The following STK24 variants were observed in gnomAD, a reference collection of about 807,000 sequenced individuals.
The protein encoded by STK24 is serine/threonine-protein kinase 24.
Under a neutral mutation model 55.6 loss-of-function variants are expected in STK24, and 21 were observed. The ratio of observed to expected loss-of-function variants is 0.38; its 90% CI spans 0.27 to 0.54. The LOEUF is 0.54. STK24 is among the 20% of genes least tolerant of loss of function. The pLI, the probability that STK24 is intolerant of heterozygous loss-of-function variation, is 0.79. For missense variants in STK24, 383 were observed against 538.4 expected, an observed-to-expected ratio of 0.71 and a Z score of 2.86; for synonymous variants, 200 against 215.2, an observed-to-expected ratio of 0.93 and a Z score of 0.62.
Position 98,554,184 on chromosome 13 carries a change from T to G in STK24, c.42+22561A>C, listed in dbSNP as rs531907450. 1.1e-4 allele frequency among the ~76,000 whole-genome samples: 17 copies of G among 151,996 alleles called. No homozygotes were observed. In the South Asian group the frequency reaches 3.3e-3, roughly 30 times the overall value. ...GCATTTAAGCCCCCCATATGCAACT[T>G]ACTCCCTTTAAAGAAAAAAACTGAA... On this transcript the variant is annotated intron_variant, in intron 1 of 10. Transcript: ENST00000539966.
rs1265239718 is a variant in STK24, at chr13:98,450,646, CT to C, written c.*2526del. Reference sequence around the variant, plus strand: ...TCCCCAGGCTGCAGGCTCTGGGCAGCTGAGCCAGGAGCAGCTCAGGGCTGGC... The same window carrying C: ...TCCCCAGGCTGCAGGCTCTGGGCAGCGAGCCAGGAGCAGCTCAGGGCTGGC... On this transcript the variant is annotated 3_prime_UTR_variant, in exon 11 of 11. Transcript: ENST00000539966. 2.0e-5 allele frequency: 3 copies of C among 152,242 alleles called. No individual in the cohort carries two copies. Among genetic ancestry groups the C allele is most frequent in the Non-Finnish European group, 2.9e-5 (2 of 68,068 alleles). 9.4% of individuals were successfully genotyped at this position (152,242 alleles called of 1,614,324 possible).
intron 8 of STK24, among the ~76,000 whole-genome samples, 171 bp downstream of exon 8, chr13:98,461,603 G>C (rs1298247135): frequency 6.6e-6 from 1 of 152,132 alleles, no homozygotes; most frequent in Non-Finnish European, 1.5e-5. Flanking sequence ...GTGAACACCT[G>C]GATCATCAGA....
In STK24 at chr13:98,575,385, C is replaced by CATAT. The variant is rs559657825; in HGVS notation, c.42+1356_42+1359dup. ...TTTACTGCTTAAACATATATACACA[C>CATAT]ATATATATACTGCTTATATATACAC... is the stretch of plus-strand genomic sequence containing the variant. On this transcript the variant is annotated intron_variant, in intron 1 of 10. Transcript: ENST00000539966. Among the ~76,000 whole-genome samples, 14 of 148,806 alleles carry CATAT rather than the reference C, an allele frequency of 9.4e-5. No homozygotes were observed. In the Admixed American group the frequency reaches 9.6e-4, roughly 10 times the overall value.
chr13:98,471,139 C>T (rs890873056), intron 5 of STK24, among the ~76,000 whole-genome samples: 2 of 152,194 alleles, frequency 1.3e-5, no homozygotes, highest in African/African-American at 4.8e-5. Flanking sequence ...ATTCCTGAGC[C>T]GTAGGCAGGA....
At chr13:98,525,911 C>T (rs1246614414) in intron 1 of STK24, among the ~76,000 whole-genome samples, 3 of 152,232 alleles carry the variant, frequency 2.0e-5, no homozygotes, top group African/African-American at 7.2e-5. Context: ...CACAACTTTC[C>T]AATTCCCTAA....
Position 98,450,585 on chromosome 13 carries a change from C to G in STK24, c.*2588G>C, listed in dbSNP as rs950445122. ...AAAAACGCAGGAGCTACCAGCCACC[C>G]AGTCCACGGCCCTCGTCTCCCAGAG... On this transcript the variant is annotated 3_prime_UTR_variant, in exon 11 of 11. Coordinates refer to ENST00000539966, the MANE Select transcript of STK24 (RefSeq NM_001032296.4). 1 of 152,468 alleles carries G rather than the reference C, an allele frequency of 6.6e-6. No individual in the cohort carries two copies. Among genetic ancestry groups the G allele is most frequent in the East Asian group, 1.9e-4 (1 of 5,204 alleles). The allele number at this position is 152,468 out of a possible 1,614,324, so 9.4% of individuals were successfully genotyped here.
chr13:98,554,231 A>G (rs539371496), intron 1 of STK24, among the ~76,000 whole-genome samples: 19 of 152,312 alleles, frequency 1.2e-4, no homozygotes, highest in Admixed American at 8.5e-4. Flanking sequence ...TGAAAAAATA[A>G]CAACAAACGT....
intron 2 of STK24, among the ~76,000 whole-genome samples, chr13:98,496,088 C>G (rs563607114): frequency 1.9e-4 from 29 of 152,350 alleles, no homozygotes; most frequent in Non-Finnish European, 3.1e-4. Flanking sequence ...CTGCCCTACA[C>G]TCATGCGGGA....
chr13:98,453,327 G>A, intron 10 of STK24, 118 bp from the exon 11 acceptor site: 1 of 1,032,518 alleles, frequency 9.7e-7, no homozygotes, highest in East Asian at 2.4e-5. Context: ...ACAAAAATAA[G>A]TGGAGCAAAT....
At chr13:98,527,142 C>A (rs1896453214) in intron 1 of STK24, among the ~76,000 whole-genome samples, 3 of 152,234 alleles carry the variant, frequency 2.0e-5, no homozygotes, top group African/African-American at 7.2e-5. Context: ...AATGGCCAGC[C>A]ACTGAGAATA....
chr13:98,545,653 G>C (rs1208753402), intron 1 of STK24, among the ~76,000 whole-genome samples: 1 of 143,298 alleles, frequency 7.0e-6, no homozygotes, highest in East Asian at 2.0e-4. Flanking sequence ...AAAAAAAAAA[G>C]TGCCAGACTT....
intron 1 of STK24, chr13:98,542,800 T>C: frequency 4.1e-6 from 4 of 981,658 alleles, no homozygotes; most frequent in Non-Finnish European, 4.8e-6. Flanking sequence ...GTTTGTCTTT[T>C]ACTCTACTTT....
chr13:98,576,158 G>A, intron 1 of STK24: 2 of 985,298 alleles, frequency 2.0e-6, no homozygotes, highest in Non-Finnish European at 2.4e-6. Flanking sequence ...GTCCGCAGGT[G>A]CACGGGGGCT....
intron 1 of STK24, among the ~76,000 whole-genome samples, chr13:98,536,132 C>T (rs75268516): frequency 8.7e-4 from 132 of 152,086 alleles, no homozygotes; most frequent in African/African-American, 2.8e-3. Context: ...TAGGAACACA[C>T]GTATCCTGCC....
At chr13:98,495,436 G>A (rs989622754) in intron 2 of STK24, among the ~76,000 whole-genome samples, 1 of 152,178 alleles carries the variant, frequency 6.6e-6, no homozygotes, top group Non-Finnish European at 1.5e-5. Flanking sequence ...GTTTAAATTT[G>A]CAGAATGTGC....
chr13:98,508,550 T>TG (rs1390025204), intron 2 of STK24, among the ~76,000 whole-genome samples: 2 of 152,308 alleles, frequency 1.3e-5, no homozygotes, highest in Non-Finnish European at 2.9e-5. Flanking sequence ...GAATTTCTGT[T>TG]GGGACAGAAG....
intron 2 of STK24, among the ~76,000 whole-genome samples, chr13:98,482,713 G>C (rs1172168387): frequency 1.3e-5 from 2 of 152,204 alleles, no homozygotes; most frequent in African/African-American, 4.8e-5. Flanking sequence ...CACACATCGG[G>C]AGAGCAGTGC....
intron 5 of STK24, among the ~76,000 whole-genome samples, chr13:98,468,064 G>A (rs1310948710): frequency 1.3e-5 from 2 of 152,172 alleles, no homozygotes; most frequent in South Asian, 2.1e-4. Flanking sequence ...ATGCATAGGC[G>A]GAAGCATCGT....
Position 98,461,897 on chromosome 13 carries a change from C to T in STK24, c.930G>A (p.Ala310=). The T allele has an allele frequency of 1.2e-6, 2 of 1,613,810 alleles. No homozygotes were observed. The highest frequency in any genetic ancestry group is 1.7e-4 in the Middle Eastern group (1 of 6,048). The change falls in exon 8 of 11, where the codon GCG becomes GCA. Residue 310 remains alanine (A), a splice_region_variant and synonymous_variant. Coordinates refer to ENST00000539966, the MANE Select transcript of STK24 (RefSeq NM_001032296.4). ...HDDSSSEDSD[A]ETDGQASGGS... is the part of the protein sequence containing the mutation. ...CCCCCGAGGCTTGGCCATCTGTTTC[C>T]CTTAACACAGAAATGCAGGAAATCC...
Sources: allele counts gnomAD v4.1 joint callset (sites outside exome capture counted in the v4.1 genomes callset), GRCh38; gene constraint gnomAD v4.1.1; transcripts MANE v1.5; gene names NCBI Gene and HGNC (gene_info 2026-07-23, HGNC 2026-07-21).